R3HDM1: variants seen among roughly 807,000 people sequenced by gnomAD.
The protein encoded by R3HDM1 is R3H domain-containing protein 1.
A neutral mutation model predicts 141.1 loss-of-function variants in R3HDM1; 46 were observed. The observed-to-expected ratio is 0.33, with a 90% CI of 0.26 to 0.42. R3HDM1 has a LOEUF of 0.42. Among genes scored for constraint, R3HDM1 ranks in the 10% least tolerant of loss-of-function variants. R3HDM1 has a pLI of 1.00. For synonymous variants in R3HDM1, 435 were observed against 472.9 expected, an observed-to-expected ratio of 0.92 and a Z score of 1.04; for missense variants, 1,184 against 1,368.3, an observed-to-expected ratio of 0.87 and a Z score of 2.12.
intron 21 of R3HDM1, among the ~76,000 whole-genome samples, chr2:135,686,927 A>G (rs1260999245): frequency 1.3e-5 from 2 of 152,166 alleles, no homozygotes; most frequent in East Asian, 3.9e-4. Context: ...GGCTGGGCGC[A>G]GTGGCTCATA....
At chr2:135,716,331 A>C (rs1370615266) in intron 24 of R3HDM1, among the ~76,000 whole-genome samples, 1 of 152,238 alleles carries the variant, frequency 6.6e-6, no homozygotes, top group African/African-American at 2.4e-5. Context: ...AGATTATCCA[A>C]AAATTTATTC....
intron 1 of R3HDM1, among the ~76,000 whole-genome samples, chr2:135,558,509 G>T (rs1701190810): frequency 9.2e-5 from 14 of 152,096 alleles, no homozygotes. Flanking sequence ...TTATTTTAAG[G>T]ATTAATTGAC....
In R3HDM1 at chr2:135,661,293, A is replaced by G. The variant is rs369845719; in HGVS notation, c.2052A>G (p.Pro684=). 5 of 1,613,962 alleles carry G rather than the reference A, an allele frequency of 3.1e-6. No homozygotes were observed. The highest frequency in any genetic ancestry group is 4.2e-6 in the Non-Finnish European group (5 of 1,179,984). ...SPQMPACYCA[P]GHYHSSQPQY... Reference sequence around the variant, plus strand: ...AGATGCCAGCCTGTTATTGCGCTCCAGGCCACTATCACTCCAGCCAACCTC... The same window carrying G: ...AGATGCCAGCCTGTTATTGCGCTCCGGGCCACTATCACTCCAGCCAACCTC... The change falls in exon 19 of 27, where the codon CCA becomes CCG. Residue 684 remains proline, a synonymous_variant. Transcript: ENST00000683871.
At chr2:135,545,187 G>T (rs1326861530) in intron 1 of R3HDM1, among the ~76,000 whole-genome samples, 1 of 152,158 alleles carries the variant, frequency 6.6e-6, no homozygotes, top group Non-Finnish European at 1.5e-5. Context: ...CACCCAGGAC[G>T]TTATGGATTC....
intron 7 of R3HDM1, among the ~76,000 whole-genome samples, chr2:135,628,162 C>A (rs891115206): frequency 6.6e-6 from 1 of 152,080 alleles, no homozygotes; most frequent in Non-Finnish European, 1.5e-5. Flanking sequence ...ATATGTAGGG[C>A]CCCTATAAAG....
At chr2:135,597,300 T>G (rs1170332982) in intron 1 of R3HDM1, 1 of 967,178 alleles carries the variant, frequency 1.0e-6, no homozygotes, top group African/African-American at 1.8e-5. Flanking sequence ...ATGTAACTGA[T>G]ATTCATTAAA....
intron 1 of R3HDM1, among the ~76,000 whole-genome samples, chr2:135,541,734 T>C (rs544819112): frequency 2.0e-5 from 3 of 151,942 alleles, no homozygotes; most frequent in African/African-American, 7.2e-5. Context: ...ATGAAAGAGT[T>C]TGAAATATTG....
chr2:135,612,593 G>A (rs373127720), intron 3 of R3HDM1, among the ~76,000 whole-genome samples: 16 of 151,534 alleles, frequency 1.1e-4, no homozygotes, highest in Admixed American at 7.2e-4. Context: ...CCATTTTTTC[G>A]CCTAGTTCCT....
intron 18 of R3HDM1, among the ~76,000 whole-genome samples, chr2:135,654,558 C>T (rs1017738857): frequency 3.3e-5 from 5 of 152,102 alleles, no homozygotes; most frequent in African/African-American, 1.2e-4. Flanking sequence ...AAGCAATTCT[C>T]CTGCCTCAGC....
At chr2:135,658,743 CA>C (rs2066252014) in intron 18 of R3HDM1, among the ~76,000 whole-genome samples, 1 of 152,144 alleles carries the variant, frequency 6.6e-6, no homozygotes, top group South Asian at 2.1e-4. Flanking sequence ...AACACAAATA[CA>C]CCATACAGCT....
intron 1 of R3HDM1, among the ~76,000 whole-genome samples, chr2:135,588,669 A>G (rs890097300): frequency 6.6e-6 from 1 of 152,080 alleles, no homozygotes; most frequent in Non-Finnish European, 1.5e-5. Flanking sequence ...TCTTCTAAAG[A>G]TATATGTGTT....
intron 1 of R3HDM1, among the ~76,000 whole-genome samples, chr2:135,562,420 T>C (rs1283254423): frequency 2.0e-5 from 3 of 152,230 alleles, no homozygotes; most frequent in Admixed American, 6.5e-5. Context: ...ATATGACTTA[T>C]TCTGTCAATG....
chr2:135,678,340 AG>A (rs2069578220), intron 20 of R3HDM1, among the ~76,000 whole-genome samples: 1 of 151,912 alleles, frequency 6.6e-6, no homozygotes, highest in African/African-American at 2.4e-5. Context: ...CTGGAGCCAC[AG>A]GGTTTGAATT....
At chr2:135,650,042 G>T in intron 17 of R3HDM1, 39 bp downstream of exon 17, 1 of 1,182,994 alleles carries the variant, frequency 8.5e-7, no homozygotes, top group Non-Finnish European at 1.1e-6. Flanking sequence ...TGTTTCTGTG[G>T]GTGGATGTGT....
rs774081274 is a variant in R3HDM1, at chr2:135,675,325, A to T, written c.2153-7A>T. The stretch of plus-strand genomic sequence containing the variant: ...AGAGCAGGATTTAACTCATTGTACC[A>T]TTACAGGTTATCAAGTTATACCCAA... On this transcript the variant is annotated splice_region_variant and splice_polypyrimidine_tract_variant and intron_variant, in intron 19 of 26. Transcript: ENST00000683871. 1 of 1,612,988 alleles carries T rather than the reference A, an allele frequency of 6.2e-7. No homozygotes were observed. The highest frequency in any genetic ancestry group is 8.5e-7 in the Non-Finnish European group (1 of 1,179,224).
At chr2:135,580,205 C>T (rs762481955) in intron 1 of R3HDM1, among the ~76,000 whole-genome samples, 2 of 152,072 alleles carry the variant, frequency 1.3e-5, no homozygotes, top group Non-Finnish European at 2.9e-5. Flanking sequence ...GAGCTGAGAT[C>T]GCACCACTGC....
chr2:135,608,139 C>A (rs2060236293), intron 3 of R3HDM1: 1 of 202,010 alleles, frequency 5.0e-6, no homozygotes, highest in Non-Finnish European at 8.8e-6. Flanking sequence ...CATGGTGAAA[C>A]CCTGTCACTA....
At chr2:135,628,615 C>CTTGTTTGT (rs112512085) in intron 7 of R3HDM1, among the ~76,000 whole-genome samples, 1 of 151,940 alleles carries the variant, frequency 6.6e-6, no homozygotes. Flanking sequence ...TGCCTCCTTT[C>CTTGTTTGT]TTGTTTGTTT....
rs1553620829 is a variant in R3HDM1, at chr2:135,683,570, A to AAAAAC, written c.2459+3248_2459+3249insAACAA. Among the ~76,000 whole-genome samples, 10 of 141,826 alleles carry AAAAAC rather than the reference A, an allele frequency of 7.1e-5. 1 individual carries two copies. The highest frequency in any genetic ancestry group is 2.2e-4 in the African/African-American group (8 of 36,640). The allele number at this position is 141,826 out of a possible 152,430, so 93.0% of individuals were successfully genotyped here. A position where few individuals can be genotyped will look rare whatever the true frequency, so the allele number is the denominator to read the frequency against. On this transcript the variant is annotated intron_variant, in intron 21 of 26. Coordinates refer to ENST00000683871, the MANE Select transcript of R3HDM1 (RefSeq NM_001378107.1). ...ACCTATCTCAAAAAAAAAAAAAAAA[A>AAAAAC]AATTCATTAAAGATCTCTTTGGGTG...
Sources: gnomAD v4.1 joint callset for allele counts (sites outside exome capture counted in the v4.1 genomes callset) on GRCh38, gnomAD v4.1.1 for gene constraint, MANE v1.5 for transcripts, NCBI Gene and HGNC (gene_info 2026-07-23, HGNC 2026-07-21) for gene names.